The following CHLSN variants were observed in gnomAD, a reference collection of about 807,000 sequenced individuals.
CHLSN encodes the protein protein cholesin.
chr7:997,307 A>G, the CHLSN span: 1 of 312,222 alleles, frequency 3.2e-6, no homozygotes, highest in South Asian at 1.3e-4. Flanking sequence ...TTCCCTCCAA[A>G]GCAGATTCCT....
the CHLSN span, among the ~76,000 whole-genome samples, chr7:1,010,990 G>T: frequency 6.6e-6 from 1 of 151,200 alleles, no homozygotes; most frequent in Non-Finnish European, 1.5e-5. Context: ...CACAGCCCAC[G>T]CCTACGCATC....
the CHLSN span, chr7:1,127,427 A>G: frequency 1.9e-6 from 3 of 1,574,496 alleles, no homozygotes; most frequent in African/African-American, 4.1e-5. Flanking sequence ...AAGGAAATGA[A>G]AGGCTTAACT....
the CHLSN span, chr7:1,138,098 G>T: frequency 6.6e-6 from 1 of 150,496 alleles, no homozygotes; most frequent in Admixed American, 6.6e-5. Flanking sequence ...CCACGTGGAG[G>T]GGGCGGAGCC....
the CHLSN span, chr7:1,092,744 T>C: frequency 1.1e-5 from 18 of 1,613,518 alleles, no homozygotes; most frequent in East Asian, 2.2e-5. Flanking sequence ...AGGCTGTACA[T>C]TGAGCAGAAA....
the CHLSN span, among the ~76,000 whole-genome samples, chr7:1,013,488 C>T: frequency 4.7e-4 from 72 of 152,312 alleles, no homozygotes; most frequent in African/African-American, 1.6e-3. Flanking sequence ...AGGCTCCTGC[C>T]GGCTCCAGGA....
the CHLSN span, among the ~76,000 whole-genome samples, chr7:1,068,645 C>T: frequency 1.3e-5 from 2 of 152,166 alleles, no homozygotes; most frequent in Non-Finnish European, 1.5e-5. Context: ...CATCCCCAGT[C>T]TTCCCCCCAA....
At chr7:1,008,631 T>C in the CHLSN span, among the ~76,000 whole-genome samples, 88 of 152,186 alleles carry the variant, frequency 5.8e-4, no homozygotes, top group African/African-American at 2.0e-3. Context: ...ACAGGAGGCT[T>C]GCCCCCATCC....
At chr7:1,004,383 C>T in the CHLSN span, among the ~76,000 whole-genome samples, 6 of 152,322 alleles carry the variant, frequency 3.9e-5, no homozygotes, top group South Asian at 1.2e-3. Context: ...GGTGACCCCA[C>T]TTCACGGGTG....
chr7:993,336 G>A, the CHLSN span, among the ~76,000 whole-genome samples: 1 of 152,170 alleles, frequency 6.6e-6, no homozygotes, highest in African/African-American at 2.4e-5. Flanking sequence ...CTGGACGGAC[G>A]GCAGGTGGCG....
At chr7:1,005,707 G>A in the CHLSN span, among the ~76,000 whole-genome samples, 4,570 of 152,374 alleles carry the variant, frequency 0.03, 89 homozygotes, top group African/African-American at 0.043. Context: ...ACACCATGCT[G>A]TGCTGGGCAA....
chr7:1,110,811 T>C, the CHLSN span, among the ~76,000 whole-genome samples: 104 of 151,218 alleles, frequency 6.9e-4, 1 homozygote, highest in Middle Eastern at 3.4e-3. Context: ...ATAGAAGTGG[T>C]TAAAAAAAAA....
the CHLSN span, among the ~76,000 whole-genome samples, chr7:1,041,193 T>C: frequency 9.2e-5 from 14 of 152,178 alleles, no homozygotes; most frequent in African/African-American, 2.9e-4. Flanking sequence ...GAATAGGACT[T>C]GGGCTCCGCA....
the CHLSN span, chr7:1,091,643 C>A: frequency 9.9e-7 from 1 of 1,009,824 alleles, no homozygotes; most frequent in Non-Finnish European, 1.5e-6. Context: ...AGGAGAATCA[C>A]GCTTCTTTCT....
At chr7:1,028,330 C>T in the CHLSN span, 16 of 1,024,546 alleles carry the variant, frequency 1.6e-5, no homozygotes, top group South Asian at 3.1e-5. Flanking sequence ...TGCGCACCGC[C>T]CGGCCCGCGC....
chr7:985,360 G>T, the CHLSN span: 8 of 1,538,676 alleles, frequency 5.2e-6, no homozygotes, highest in Non-Finnish European at 7.0e-6. Flanking sequence ...GTGGGGTGGA[G>T]CCTGGAGTGA....
At chr7:1,134,126 C>T in the CHLSN span, among the ~76,000 whole-genome samples, 308 of 151,872 alleles carry the variant, frequency 2.0e-3, 1 homozygote, top group African/African-American at 6.7e-3. Flanking sequence ...TTTTTTAATT[C>T]GCTGGGCATG....
At chr7:1,028,797 T>TC in the CHLSN span, 1 of 768,538 alleles carries the variant, frequency 1.3e-6, no homozygotes, top group Non-Finnish European at 1.5e-6. Flanking sequence ...TCCCTATCGC[T>TC]CCCCCAATCT....
chr7:1,112,847 A>T, the CHLSN span, among the ~76,000 whole-genome samples: 1 of 152,166 alleles, frequency 6.6e-6, no homozygotes, highest in Non-Finnish European at 1.5e-5. Context: ...ACATCTAAAC[A>T]TGCATGCACC....
the CHLSN span, among the ~76,000 whole-genome samples, chr7:987,741 G>A: frequency 1.5e-4 from 23 of 152,306 alleles, no homozygotes; most frequent in African/African-American, 3.6e-4. Context: ...CAGACCTGGC[G>A]CCTCCCTGCA....
Sources: gnomAD v4.1 joint callset for allele counts (sites outside exome capture counted in the v4.1 genomes callset) on GRCh38, gnomAD v4.1.1 for gene constraint, MANE v1.5 for transcripts, NCBI Gene and HGNC (gene_info 2026-07-23, HGNC 2026-07-21) for gene names.